Variants in KALRN observed in about 807,000 individuals in gnomAD.
KALRN encodes kalirin RhoGEF kinase, also known as kalirin.
Under a neutral mutation model 353.7 loss-of-function variants are expected in KALRN, and 70 were observed. The observed-to-expected ratio is 0.20, with a 90% confidence interval of 0.16 to 0.24. The LOEUF (loss-of-function observed/expected upper bound fraction) is 0.24, where lower values mean the gene tolerates loss of function less well. Ranked by LOEUF, KALRN falls within the 10% of genes least tolerant of loss-of-function variation. The pLI, the probability that KALRN is intolerant of heterozygous loss-of-function variation, is 1.00. For synonymous variants in KALRN, 1,391 were observed against 1,434.8 expected (o/e 0.97, Z 0.69); for missense variants, 2,791 against 3,756.7 (o/e 0.74, Z 6.72).
chr3:124,288,404 A>G (rs1325437948), intron 5 of KALRN, among the ~76,000 whole-genome samples: 1 of 152,146 alleles, frequency 6.6e-6, no homozygotes, highest in Non-Finnish European at 1.5e-5. Flanking sequence ...TGTGGACACC[A>G]ATATAGGGAT....
At chr3:124,391,260 G>A (rs536628190) in intron 11 of KALRN, among the ~76,000 whole-genome samples, 16 of 152,082 alleles carry the variant, frequency 1.1e-4, no homozygotes, top group African/African-American at 3.9e-4. Flanking sequence ...TTTCTTTTCT[G>A]GGGAGGGGGT....
At chr3:124,548,378 A>C (rs1435746561) in intron 33 of KALRN, among the ~76,000 whole-genome samples, 1 of 152,188 alleles carries the variant, frequency 6.6e-6, no homozygotes, top group Non-Finnish European at 1.5e-5. Context: ...TGCCATAGCT[A>C]TTAAATCTTA....
chr3:124,276,573 T>A (rs1695477717), intron 5 of KALRN, among the ~76,000 whole-genome samples: 1 of 152,144 alleles, frequency 6.6e-6, no homozygotes, highest in Non-Finnish European at 1.5e-5. Flanking sequence ...CCATTCCCCA[T>A]GAGGCAGCAG....
chr3:124,330,474 G>A lies in KALRN; in HGVS notation c.1416+482G>A, dbSNP rs141822877. 5.7e-3 allele frequency among the ~76,000 whole-genome samples: 864 copies of A among 152,134 alleles called. 8 individuals are homozygous for A. The highest frequency in any genetic ancestry group is 0.024 in the Middle Eastern group (7 of 294). On this transcript the variant is annotated intron_variant, in intron 8 of 59. Coordinates refer to ENST00000682506, the MANE Select transcript of KALRN (RefSeq NM_001388419.1). ...AAAAAGATTAATTTTCTCACTAGACGATCCAGAGGAAAACACACAGGGTGG... is the reference window on the plus strand; with the variant it reads ...AAAAAGATTAATTTTCTCACTAGACAATCCAGAGGAAAACACACAGGGTGG...
intron 34 of KALRN, among the ~76,000 whole-genome samples, chr3:124,565,039 A>G (rs2072627514): frequency 1.3e-5 from 2 of 152,244 alleles, no homozygotes; most frequent in African/African-American, 2.4e-5. Flanking sequence ...CCTGATGGTT[A>G]ACTGTGAACT....
At chr3:124,310,219 A>C (rs1165481885) in intron 6 of KALRN, among the ~76,000 whole-genome samples, 2 of 149,118 alleles carry the variant, frequency 1.3e-5, no homozygotes, top group East Asian at 3.9e-4. Context: ...AAAAAGTGTA[A>C]AACTTATACT....
At chr3:124,573,524 C>G (rs59723795) in intron 34 of KALRN, among the ~76,000 whole-genome samples, 28,913 of 151,956 alleles carry the variant, frequency 0.19, 3,513 homozygotes, top group East Asian at 0.45. Context: ...TTTTACCAGA[C>G]AGGGTCTCAC....
At chr3:124,561,231 G>A (rs913378393) in intron 33 of KALRN, among the ~76,000 whole-genome samples, 1 of 152,176 alleles carries the variant, frequency 6.6e-6, no homozygotes, top group African/African-American at 2.4e-5. Flanking sequence ...GAGAGTGGGG[G>A]AGTGAAGACT....
intron 34 of KALRN, among the ~76,000 whole-genome samples, chr3:124,583,263 T>A (rs1484449607): frequency 6.6e-6 from 1 of 152,124 alleles, no homozygotes; most frequent in African/African-American, 2.4e-5. Context: ...TTTTTTCTGA[T>A]GAATGGGCCC....
intron 23 of KALRN, among the ~76,000 whole-genome samples, chr3:124,460,871 G>GAGGA (rs2059791701): frequency 1.3e-5 from 2 of 152,198 alleles, no homozygotes. Flanking sequence ...GAGGCCCAAG[G>GAGGA]AGGAAGAGAA....
chr3:124,647,502 A>G (rs547343187), intron 37 of KALRN, among the ~76,000 whole-genome samples: 3 of 152,190 alleles, frequency 2.0e-5, no homozygotes, highest in Non-Finnish European at 2.9e-5. Context: ...AAAGTCTCCT[A>G]TTTATCCATT....
intron 34 of KALRN, among the ~76,000 whole-genome samples, chr3:124,628,468 T>TCCTTTCCTTCCTTCCCTTCCCTC (rs2080329915): frequency 1.1e-5 from 1 of 93,674 alleles, no homozygotes; most frequent in Non-Finnish European, 2.2e-5. Context: ...CTCCTTCCCT[T>TCCTTTCCTTCCTTCCCTTCCCTC]CCTTCCCTTC....
intron 22 of KALRN, among the ~76,000 whole-genome samples, chr3:124,455,696 T>C (rs934268411): frequency 1.3e-5 from 2 of 152,184 alleles, no homozygotes; most frequent in Non-Finnish European, 2.9e-5. Context: ...AGTACCATCT[T>C]CCACCCAATT....
chr3:124,153,067 A>T (rs2068409960), intron 1 of KALRN: 3 of 164,474 alleles, frequency 1.8e-5, no homozygotes, highest in Non-Finnish European at 2.6e-5. Flanking sequence ...TCTTTTTTTA[A>T]TTTTTTTTAA....
intron 1 of KALRN, among the ~76,000 whole-genome samples, chr3:124,203,953 G>A (rs1294744498): frequency 1.3e-5 from 2 of 152,210 alleles, no homozygotes; most frequent in Admixed American, 1.3e-4. Flanking sequence ...TATATGGAGG[G>A]CTGTCTTTTC....
At chr3:124,615,831 G>A (rs995128556) in intron 34 of KALRN, among the ~76,000 whole-genome samples, 1 of 152,138 alleles carries the variant, frequency 6.6e-6, no homozygotes, top group African/African-American at 2.4e-5. Flanking sequence ...CACAGACTTG[G>A]AAAGTGTAGG....
chr3:124,278,619 T>G (rs1451005254), intron 5 of KALRN, among the ~76,000 whole-genome samples: 2 of 152,062 alleles, frequency 1.3e-5, no homozygotes, highest in African/African-American at 4.8e-5. Flanking sequence ...TGGAGGAGAG[T>G]GTAGGGCAGT....
At chr3:124,083,175 C>G (rs1373282890) in intron 1 of KALRN, among the ~76,000 whole-genome samples, 1 of 152,208 alleles carries the variant, frequency 6.6e-6, no homozygotes, top group African/African-American at 2.4e-5. Context: ...GAAAGCTGCC[C>G]TTCATCTATT....
chr3:124,044,859 C>CTCCCTCCCTCCCTCCTTCCTTCCT (rs2040310196), intron 1 of KALRN, among the ~76,000 whole-genome samples: 1 of 43,228 alleles, frequency 2.3e-5, no homozygotes, highest in African/African-American at 7.5e-5. Flanking sequence ...CCCTCCCTCC[C>CTCCCTCCCTCCCTCCTTCCTTCCT]TCCTTCCTTC....
Sources: gnomAD v4.1 joint callset for allele counts (sites outside exome capture counted in the v4.1 genomes callset) on GRCh38, gnomAD v4.1.1 for gene constraint, MANE v1.5 for transcripts, NCBI Gene and HGNC (gene_info 2026-07-23, HGNC 2026-07-21) for gene names.